The following SKP2 variants were observed in gnomAD, a reference collection of about 807,000 sequenced individuals.
SKP2 encodes the protein S-phase kinase associated protein 2.
Under a neutral mutation model 51.8 loss-of-function variants are expected in SKP2, and 16 were observed. The observed-to-expected ratio is 0.31, with a 90% CI of 0.21 to 0.47. SKP2 has a LOEUF of 0.47. Ranked by LOEUF, SKP2 falls within the 20% of genes least tolerant of loss-of-function variation. The probability of loss-of-function intolerance (pLI) is 1.00; values close to 1 mark genes in which losing one functional copy is unlikely to be tolerated. For missense variants in SKP2, 377 were observed against 505.3 expected (o/e 0.75, Z 2.43); for synonymous variants, 176 against 198.6 (o/e 0.89, Z 0.96).
intron 2 of SKP2, among the ~76,000 whole-genome samples, chr5:36,161,155 A>G (rs995241864): frequency 6.6e-6 from 1 of 152,130 alleles, no homozygotes; most frequent in Non-Finnish European, 1.5e-5. Flanking sequence ...GAGCAGAATA[A>G]GGGTCAGGAT....
chr5:36,162,310 C>A (rs537990688), intron 2 of SKP2, among the ~76,000 whole-genome samples: 36 of 152,304 alleles, frequency 2.4e-4, no homozygotes, highest in African/African-American at 8.2e-4. Context: ...ACATGCTGTT[C>A]CTTGGATCTA....
Position 36,170,462 on chromosome 5 carries a change from T to G in SKP2, c.770+20T>G. The G allele has an allele frequency of 7.2e-7, 1 of 1,393,154 alleles. No homozygotes were observed. The highest frequency in any genetic ancestry group is 1.2e-5 in the South Asian group (1 of 84,874). 86.3% of individuals were successfully genotyped at this position (1,393,154 alleles called of 1,614,324 possible). ...TTCCAGGTATGAAAGATGTGAGACT[T>G]GATTATAGACTCTTATGTCAAACGT... On this transcript the variant is annotated intron_variant, in intron 6 of 9. Coordinates refer to ENST00000274255, the MANE Select transcript of SKP2 (RefSeq NM_005983.4).
At chr5:36,185,618 G>A (rs1373446914), downstream of SKP2, among the ~76,000 whole-genome samples, 2 of 152,180 alleles carry the variant, frequency 1.3e-5, no homozygotes, top group East Asian at 1.9e-4. Flanking sequence ...CTATGTCTCT[G>A]TTTTGGTACC....
Position 36,163,633 on chromosome 5 carries a change from T to C in SKP2, c.281-12T>C, listed in dbSNP as rs765706188. On this transcript the variant is annotated splice_polypyrimidine_tract_variant and intron_variant, in intron 2 of 9. Coordinates refer to ENST00000274255, the MANE Select transcript of SKP2 (RefSeq NM_005983.4). ...AGAATGGTGATGGCAAACACTTGTT[T>C]TCCCTCCAAAGGTGTTTCATGGGAC... The C allele has an allele frequency of 5.8e-6, 9 of 1,558,000 alleles. No homozygotes were observed. The East Asian group carries it at 2.0e-4, about 35-fold the overall frequency.
At chr5:36,161,097 C>G (rs1036150075) in intron 2 of SKP2, among the ~76,000 whole-genome samples, 2 of 152,052 alleles carry the variant, frequency 1.3e-5, no homozygotes, top group Non-Finnish European at 2.9e-5. Flanking sequence ...TGTAGCCCAT[C>G]AGGATAGGTT....
In SKP2 at chr5:36,183,298, GCT is replaced by G. The variant is rs1212727855; in HGVS notation, c.*1270_*1271del. On this transcript the variant is annotated 3_prime_UTR_variant, in exon 10 of 10. Transcript: ENST00000274255. ...TTTTTTTTTTTTGAGACGGAGTCTC[GCT>G]CTGTCACCAAGGCCGGAGTGCAGTG... 3.0e-6 allele frequency: 2 copies of G among 668,726 alleles called. No individual in the cohort carries two copies. The highest frequency in any genetic ancestry group is 3.6e-6 in the Non-Finnish European group (2 of 548,836). 41.4% of individuals were successfully genotyped at this position (668,726 alleles called of 1,614,324 possible).
chr5:36,170,291 G>A (rs1341818434), intron 5 of SKP2, 53 bp from the exon 6 acceptor site: 4 of 1,028,034 alleles, frequency 3.9e-6, no homozygotes, highest in Non-Finnish European at 6.1e-6. Flanking sequence ...AAATGTTGTT[G>A]ATGAATAGTG....
intron 2 of SKP2, among the ~76,000 whole-genome samples, chr5:36,162,257 A>C (rs555738705): frequency 1.6e-5 from 1 of 63,902 alleles, no homozygotes; most frequent in African/African-American, 3.4e-5. Context: ...CTACCCACCT[A>C]CCTCTGCGCT....
At position 36,152,887 on chromosome 5, in the gene SKP2, A is replaced by T. The variant is rs1744791273; in HGVS notation, c.125A>T (p.Glu42Val). The change falls in exon 2 of 10, where the codon GAG becomes GTG. Residue 42 changes from glutamate to valine, a missense_variant. Transcript: ENST00000274255. ...LLSGMGVSAL[E>V]KEEPDSENIP... ...TCAGGCATGGGGGTCTCCGCCCTGG[A>T]GAAAGAGGAGCCCGACAGTGAGAAC... The T allele has an allele frequency of 6.2e-7, 1 of 1,614,078 alleles. No homozygotes were observed.
chr5:36,186,871 C>G (rs915769937), downstream of SKP2, among the ~76,000 whole-genome samples: 2 of 152,138 alleles, frequency 1.3e-5, no homozygotes, highest in South Asian at 4.1e-4. Context: ...TCTATCTGGT[C>G]CTCGACTTTT....
chr5:36,172,705 T>C (rs950528413), intron 7 of SKP2, among the ~76,000 whole-genome samples: 4 of 152,208 alleles, frequency 2.6e-5, no homozygotes, highest in African/African-American at 9.6e-5. Flanking sequence ...AGGACAGATG[T>C]CCTCTGGTAA....
intron 3 of SKP2, among the ~76,000 whole-genome samples, chr5:36,166,009 C>A (rs1193553237): frequency 2.0e-5 from 3 of 152,144 alleles, no homozygotes; most frequent in Non-Finnish European, 4.4e-5. Flanking sequence ...TGAACCATGA[C>A]TGTTGCTATT....
rs939118179 is a variant in SKP2, at chr5:36,182,110, A to G, written c.*79A>G. 63 of 1,536,688 alleles carry G rather than the reference A, an allele frequency of 4.1e-5. No homozygotes were observed. The highest frequency in any genetic ancestry group is 5.3e-5 in the Non-Finnish European group (61 of 1,140,304). Reference sequence around the variant, plus strand: ...AGCCCAATTGCTGGAGTACTTAGCTAGTTTTATTCTTGGTTTTCCCTTTGC... The same window carrying G: ...AGCCCAATTGCTGGAGTACTTAGCTGGTTTTATTCTTGGTTTTCCCTTTGC... On this transcript the variant is annotated 3_prime_UTR_variant, in exon 10 of 10. Coordinates refer to ENST00000274255, the MANE Select transcript of SKP2 (RefSeq NM_005983.4).
downstream of SKP2, among the ~76,000 whole-genome samples, chr5:36,185,551 T>G (rs1399529864): frequency 6.6e-6 from 1 of 152,216 alleles, no homozygotes; most frequent in Non-Finnish European, 1.5e-5. Flanking sequence ...TTGTCAAAGA[T>G]CAGATGGTTG....
Position 36,183,026 on chromosome 5 carries a change from T to G in SKP2, c.*995T>G, listed in dbSNP as rs1192808110. 1.0e-6 allele frequency: 1 copy of G among 954,832 alleles called. No homozygotes were observed. Among genetic ancestry groups the G allele is most frequent in the African/African-American group, 1.8e-5 (1 of 56,530 alleles). The allele number at this position is 954,832 out of a possible 1,614,324, so 59.1% of individuals were successfully genotyped here. On this transcript the variant is annotated 3_prime_UTR_variant, in exon 10 of 10. Coordinates refer to ENST00000274255, the MANE Select transcript of SKP2 (RefSeq NM_005983.4). ...TTTTTAAATGATCTCTCAGCAATAA[T>G]TGTTTGAAACTATCCATATATAAGG...
rs781041816 is a variant in SKP2, at chr5:36,153,033, A to G, written c.271A>G (p.Asn91Asp). ...IVRRPKLNRENFPGVSWDSLP... is the reference protein window; with the variant it reads ...IVRRPKLNREDFPGVSWDSLP... ...CCGCAGGCCTAAGCTAAATCGAGAG[A>G]ACTTTCCAGGTAAGGACATGAGGGT... The change falls in exon 2 of 10, where the codon AAC becomes GAC. Residue 91 changes from asparagine to aspartate, a missense_variant. Physicochemically the swap from Asn to Asp is conservative, Grantham distance 23. Transcript: ENST00000274255. 6.4e-5 allele frequency: 104 copies of G among 1,613,772 alleles called. No individual in the cohort carries two copies. Among genetic ancestry groups the G allele is most frequent in the Non-Finnish European group, 8.5e-5 (100 of 1,179,834 alleles).
At position 36,152,161 on chromosome 5, in the gene SKP2, G is replaced by T; in HGVS notation, c.-102G>T. On this transcript the variant is annotated 5_prime_UTR_variant, in exon 1 of 10. Transcript: ENST00000274255. ...TAGCGGGTCTGGCTGCTGGGGGCCC[G>T]AGCAGCACGCTCGGAGCCGCCGCGC... 1 of 1,257,632 alleles carries T rather than the reference G, an allele frequency of 8.0e-7. No homozygotes were observed. Among genetic ancestry groups the T allele is most frequent in the Non-Finnish European group, 1.2e-6 (1 of 858,160 alleles). The allele number at this position is 1,257,632 out of a possible 1,614,324, so 77.9% of individuals were successfully genotyped here.
At chr5:36,190,606 T>C (rs1485592952) in intron 6 of SKP2, among the ~76,000 whole-genome samples, 3 of 149,950 alleles carry the variant, frequency 2.0e-5, no homozygotes, top group African/African-American at 7.5e-5. Flanking sequence ...GAATGGTGAT[T>C]CTTGAATATC....
rs755396289 is a variant in SKP2, at chr5:36,168,340, A to G, written c.564A>G (p.Leu188=). ...FSPFRVQHMD[L]SNSVIEVSTL... Reference sequence around the variant, plus strand: ...CTTTTCGTGTACAGCACATGGACCTATCGAACTCAGTTATAGAAGTGTCCA... The same window carrying G: ...CTTTTCGTGTACAGCACATGGACCTGTCGAACTCAGTTATAGAAGTGTCCA... Residue 188 remains leucine (L), a synonymous_variant, in exon 5 of 10, where the codon CTA becomes CTG. Coordinates refer to ENST00000274255, the MANE Select transcript of SKP2 (RefSeq NM_005983.4). 1 of 1,614,126 alleles carries G rather than the reference A, an allele frequency of 6.2e-7. No homozygotes were observed. The highest frequency in any genetic ancestry group is 8.5e-7 in the Non-Finnish European group (1 of 1,180,000).
Sources: allele counts gnomAD v4.1 joint callset (sites outside exome capture counted in the v4.1 genomes callset), GRCh38; gene constraint gnomAD v4.1.1; transcripts MANE v1.5; gene names NCBI Gene and HGNC (gene_info 2026-07-23, HGNC 2026-07-21).